Variants in JAKMIP3 observed in about 807,000 individuals in gnomAD.
The protein encoded by JAKMIP3 is janus kinase and microtubule-interacting protein 3.
Under a neutral mutation model 118.5 loss-of-function variants are expected in JAKMIP3, and 58 were observed. That is an observed-to-expected ratio of 0.49 (90% confidence interval 0.40 to 0.61). JAKMIP3 has a LOEUF of 0.61. Among genes scored for constraint, JAKMIP3 ranks in the 20% least tolerant of loss-of-function variants. The pLI is 0.00. For missense variants in JAKMIP3, 950 were observed against 1,109.0 expected (o/e 0.86, Z 2.04); for synonymous variants, 486 against 451.2 (o/e 1.08, Z -0.98).
At position 132,145,558 on chromosome 10, in the gene JAKMIP3, G is replaced by A. The variant is rs747835538; in HGVS notation, c.1727G>A (p.Arg576Lys). The A allele has an allele frequency of 1.2e-5, 19 of 1,565,006 alleles. No individual in the cohort carries two copies. The highest frequency in any genetic ancestry group is 1.4e-5 in the Non-Finnish European group (16 of 1,154,840). Residue 576 changes from arginine (R) to lysine (K), a missense_variant, in exon 13 of 24, where the codon AGA (arginine) becomes AAA (lysine). Coordinates refer to ENST00000684848, the MANE Select transcript of JAKMIP3 (RefSeq NM_001323087.2). ...WIEEKQALYR[R>K]NQELVEKIKQ... The stretch of plus-strand genomic sequence containing the variant: ...GAAGAGAAGCAGGCACTGTACCGGA[G>A]AAATCAAGAGCTTGTGGAAAAGGTG...
upstream of JAKMIP3, among the ~76,000 whole-genome samples, chr10:132,062,158 GTGAGTGGCTGATCA>G (rs1417501270): frequency 1.3e-5 from 2 of 152,174 alleles, no homozygotes; most frequent in African/African-American, 4.8e-5. Context: ...TGGGCAGCCA[GTGAGTGGCTGATCA>G]TGAGTACTCA....
At chr10:132,119,672 C>T (rs2048240205) in intron 3 of JAKMIP3, among the ~76,000 whole-genome samples, 1 of 152,192 alleles carries the variant, frequency 6.6e-6, no homozygotes, top group Non-Finnish European at 1.5e-5. Flanking sequence ...AGTAACCTGC[C>T]TCTTCTTGGC....
intron 2 of JAKMIP3, among the ~76,000 whole-genome samples, chr10:132,106,754 A>C (rs114904059): frequency 6.6e-6 from 1 of 152,204 alleles, no homozygotes. Flanking sequence ...AAATGGAGAG[A>C]CCAGGCTGCA....
chr10:132,159,484 GGA>G (rs2057605492), intron 19 of JAKMIP3, among the ~76,000 whole-genome samples: 1 of 141,552 alleles, frequency 7.1e-6, no homozygotes, highest in Non-Finnish European at 1.5e-5. Flanking sequence ...GTGTAATGCT[GGA>G]GGAGGCTCTC....
rs1236998155 is a variant in JAKMIP3 at position 132,180,636 on chromosome 10, T to TGC, written c.*1104-1719_*1104-1718dup. The stretch of plus-strand genomic sequence containing the variant: ...GTGTGCGTGTGTGTGCGTGTGTGCG[T>TGC]GCGTGTGTGCGTGTGCGTGTGCGTG... On this transcript the variant is annotated intron_variant, in intron 23 of 23. Transcript: ENST00000684848. Among the ~76,000 whole-genome samples the TGC allele has an allele frequency of 5.1e-3, 81 of 16,032 alleles. 7 individuals are homozygous for TGC. The highest frequency in any genetic ancestry group is 0.025 in the African/African-American group (74 of 2,986). The allele number at this position is 16,032 out of a possible 152,430, so 10.5% of individuals were successfully genotyped here. A position where few individuals can be genotyped will look rare whatever the true frequency, so the allele number is the denominator to read the frequency against.
chr10:132,126,597 G>A (rs2049596647), intron 3 of JAKMIP3, among the ~76,000 whole-genome samples: 2 of 118,982 alleles, frequency 1.7e-5, no homozygotes, highest in South Asian at 5.1e-4. Context: ...CTAAAGTACT[G>A]TGATTACAGG....
chr10:132,142,666 G>A (rs1244911369), intron 11 of JAKMIP3, among the ~76,000 whole-genome samples: 2 of 152,226 alleles, frequency 1.3e-5, no homozygotes, highest in African/African-American at 2.4e-5. Context: ...TGGGGAGAGC[G>A]TGGGCCATGG....
At position 132,164,737 on chromosome 10, in the gene JAKMIP3, T is replaced by C; in HGVS notation, c.2490+2T>C. 1 of 1,598,576 alleles carries C rather than the reference T, an allele frequency of 6.3e-7. No homozygotes were observed. Among genetic ancestry groups the C allele is most frequent in the Non-Finnish European group, 8.6e-7 (1 of 1,166,098 alleles). The stretch of plus-strand genomic sequence containing the variant: ...CAAATAAAGGAACTGGAGGAAAAGG[T>C]AAAACAAATGCAGTTTTGGGGGTTG... On this transcript the variant is annotated splice_donor_variant, in intron 21 of 23. Coordinates refer to ENST00000684848, the MANE Select transcript of JAKMIP3 (RefSeq NM_001323087.2). LOFTEE classifies it high-confidence loss of function.
intron 23 of JAKMIP3, among the ~76,000 whole-genome samples, chr10:132,177,232 G>A (rs574127849): frequency 1.3e-5 from 2 of 152,398 alleles, no homozygotes; most frequent in Admixed American, 1.3e-4. Context: ...GTTAATAGGG[G>A]ATGTCATTAT....
Position 132,131,394 on chromosome 10 carries a change from C to A in JAKMIP3, c.634-1918C>A, listed in dbSNP as rs140170215. On this transcript the variant is annotated intron_variant, in intron 3 of 23. Coordinates refer to ENST00000684848, the MANE Select transcript of JAKMIP3 (RefSeq NM_001323087.2). ...GGAGCTCTGGGGTGCAGGTGTGAGG[C>A]CCAGGGGAGATGGGAGCTTATGGGG... is the stretch of plus-strand genomic sequence containing the variant. 6.3e-4 allele frequency among the ~76,000 whole-genome samples: 92 copies of A among 145,836 alleles called. No individual in the cohort carries two copies. The East Asian group carries it at 0.014, about 22-fold the overall frequency.
At chr10:132,043,328 C>T (rs2037816476) in intron 1 of JAKMIP3, among the ~76,000 whole-genome samples, 1 of 152,116 alleles carries the variant, frequency 6.6e-6, no homozygotes, top group Non-Finnish European at 1.5e-5. Flanking sequence ...CCTCAGCCTC[C>T]CTAAGTGCTG....
At chr10:132,064,421 G>A (rs1159071601), upstream of JAKMIP3, among the ~76,000 whole-genome samples, 4 of 152,138 alleles carry the variant, frequency 2.6e-5, no homozygotes, top group Admixed American at 1.3e-4. This position sits in a 1 kb window ranked among gnomAD's most constrained non-coding sequence, Gnocchi z 4.4. Context: ...AGCCACCCTC[G>A]GGGTCGGGCG....
intron 1 of JAKMIP3, among the ~76,000 whole-genome samples, chr10:132,039,125 G>T (rs531295571): frequency 2.0e-5 from 3 of 152,168 alleles, no homozygotes; most frequent in Admixed American, 6.5e-5. Context: ...CTCAGCATTC[G>T]AACCTCTGTC....
chr10:132,170,576 C>A (rs1016684207), intron 23 of JAKMIP3, among the ~76,000 whole-genome samples: 1 of 152,174 alleles, frequency 6.6e-6, no homozygotes, highest in Non-Finnish European at 1.5e-5. Flanking sequence ...CATCCATGGA[C>A]GGCATCCCTG....
At chr10:132,057,531 A>G (rs7071815) in intron 1 of JAKMIP3, among the ~76,000 whole-genome samples, 84,517 of 152,132 alleles carry the variant, frequency 0.56, 23,874 homozygotes, top group East Asian at 0.72. Flanking sequence ...TTAGTGTCAG[A>G]ACTGCATGAG....
At chr10:132,083,881 C>T (rs1037733846) in intron 1 of JAKMIP3, among the ~76,000 whole-genome samples, 2 of 152,112 alleles carry the variant, frequency 1.3e-5, no homozygotes, top group South Asian at 4.1e-4. Context: ...CTATTCTGTT[C>T]CATTGGTCTA....
intron 1 of JAKMIP3, among the ~76,000 whole-genome samples, chr10:132,090,100 A>G (rs969177483): frequency 5.9e-5 from 9 of 152,148 alleles, no homozygotes; most frequent in Non-Finnish European, 1.0e-4. Flanking sequence ...GTGCTGCTGG[A>G]TTCAGTTTGC....
At chr10:132,041,616 G>A (rs1310620477) in intron 1 of JAKMIP3, among the ~76,000 whole-genome samples, 4 of 152,256 alleles carry the variant, frequency 2.6e-5, no homozygotes, top group Non-Finnish European at 4.4e-5. Context: ...CCTTTCCTGC[G>A]GCTGGTGGCA....
intron 11 of JAKMIP3, 38 bp from the exon 12 acceptor site, chr10:132,145,069 T>G (rs1458745130): frequency 6.4e-7 from 1 of 1,571,684 alleles, no homozygotes; most frequent in South Asian, 1.1e-5. Context: ...TCCCAGCTTT[T>G]AGAGAAAATT....
Sources: allele counts gnomAD v4.1 joint callset (sites outside exome capture counted in the v4.1 genomes callset), GRCh38; gene constraint gnomAD v4.1.1; non-coding constraint Gnocchi (gnomAD v3.1); transcripts MANE v1.5; gene names NCBI Gene and HGNC (gene_info 2026-07-23, HGNC 2026-07-21).